The following SHISA9 variants were observed in gnomAD, a reference collection of about 807,000 sequenced individuals.
The protein encoded by SHISA9 is shisa family member 9.
A neutral mutation model predicts 38.0 loss-of-function variants in SHISA9; 13 were observed. The ratio of observed to expected loss-of-function variants is 0.34; its 90% CI spans 0.22 to 0.54. SHISA9 has a LOEUF of 0.54. Ranked by LOEUF, SHISA9 falls within the 20% of genes least tolerant of loss-of-function variation. SHISA9 has a pLI of 0.91. For missense variants in SHISA9, 538 were observed against 575.8 expected, an observed-to-expected ratio of 0.93 and a Z score of 0.67; for synonymous variants, 275 against 242.0, an observed-to-expected ratio of 1.14 and a Z score of -1.27.
chr16:13,194,731 G>C (rs558073853), intron 2 of SHISA9, among the ~76,000 whole-genome samples: 1 of 152,244 alleles, frequency 6.6e-6, no homozygotes, highest in South Asian at 2.1e-4. Flanking sequence ...GACAAGAAGA[G>C]AAAAACACAT....
intron 2 of SHISA9, among the ~76,000 whole-genome samples, chr16:12,950,069 T>A (rs1260889387): frequency 6.6e-6 from 1 of 152,196 alleles, no homozygotes; most frequent in Non-Finnish European, 1.5e-5. Context: ...ATTCTCTAGC[T>A]CCTTGAGATA....
rs545279874 is a variant in SHISA9 at position 13,099,115 on chromosome 16, T to G, written c.692-104279T>G. On this transcript the variant is annotated intron_variant, in intron 2 of 4. Transcript: ENST00000558583. Reference sequence around the variant, plus strand: ...CTGCTGCCTGTTTTTGCAAATAACGTTTTGCTGCAACACATCCATGTCAAT... The same window carrying G: ...CTGCTGCCTGTTTTTGCAAATAACGGTTTGCTGCAACACATCCATGTCAAT... 2.3e-4 allele frequency among the ~76,000 whole-genome samples: 35 copies of G among 152,368 alleles called. 1 individual carries two copies. In the South Asian group the frequency reaches 2.7e-3, roughly 12 times the overall value.
the SHISA9 span, among the ~76,000 whole-genome samples, chr16:13,296,426 G>C: frequency 1.0e-3 from 156 of 151,430 alleles, 1 homozygote; most frequent in African/African-American, 3.5e-3. Flanking sequence ...CAGCACGCAG[G>C]GGGGAAAAAA....
the SHISA9 span, among the ~76,000 whole-genome samples, chr16:13,553,680 A>T: frequency 7.5e-6 from 1 of 133,680 alleles, no homozygotes; most frequent in Non-Finnish European, 1.6e-5. Context: ...TTTAAAAAAA[A>T]AGAAAAAAAA....
chr16:13,398,613 C>G, the SHISA9 span, among the ~76,000 whole-genome samples: 4 of 151,590 alleles, frequency 2.6e-5, no homozygotes, highest in African/African-American at 9.7e-5. Context: ...CCGGTTCGAG[C>G]GATTCTCCTG....
intron 4 of SHISA9, among the ~76,000 whole-genome samples, chr16:13,228,441 A>T (rs192841364): frequency 6.6e-6 from 1 of 152,184 alleles, no homozygotes; most frequent in Non-Finnish European, 1.5e-5. Context: ...AGCTGCTGGG[A>T]TGCTTAACTC....
chr16:13,043,953 A>T (rs1333312793), intron 2 of SHISA9, among the ~76,000 whole-genome samples: 1 of 152,136 alleles, frequency 6.6e-6, no homozygotes, highest in Admixed American at 6.5e-5. Context: ...ATATTGCTTC[A>T]TCCTAGGCTG....
chr16:12,934,789 C>G (rs910931176), intron 2 of SHISA9, among the ~76,000 whole-genome samples: 1 of 152,196 alleles, frequency 6.6e-6, no homozygotes, highest in South Asian at 2.1e-4. Context: ...TCTCTCTCAT[C>G]CTTCAAGGCT....
intron 2 of SHISA9, among the ~76,000 whole-genome samples, chr16:13,036,973 G>C (rs1247660110): frequency 1.3e-5 from 2 of 151,930 alleles, no homozygotes; most frequent in African/African-American, 2.4e-5. Flanking sequence ...GTAAATTAAA[G>C]ACTATTATTA....
chr16:13,226,208 T>A (rs1011085157), intron 4 of SHISA9, among the ~76,000 whole-genome samples: 5 of 152,218 alleles, frequency 3.3e-5, no homozygotes, highest in Admixed American at 1.3e-4. Context: ...AGAAACATTA[T>A]GAAAACAGGT....
At chr16:13,221,429 A>G (rs1292519762) in intron 4 of SHISA9, among the ~76,000 whole-genome samples, 1 of 138,484 alleles carries the variant, frequency 7.2e-6, no homozygotes, top group Non-Finnish European at 1.5e-5. Flanking sequence ...GAAGAGAGAA[A>G]TACCTGGACT....
chr16:13,390,224 C>G, the SHISA9 span, among the ~76,000 whole-genome samples: 1 of 151,794 alleles, frequency 6.6e-6, no homozygotes, highest in Non-Finnish European at 1.5e-5. Flanking sequence ...CATGCATTTT[C>G]TAAAACCAGT....
chr16:13,442,370 G>A, the SHISA9 span, among the ~76,000 whole-genome samples: 6 of 151,842 alleles, frequency 4.0e-5, no homozygotes, highest in East Asian at 1.9e-4. Context: ...GTGCAGTGGC[G>A]CGATCTTGTC....
At chr16:13,442,875 C>T in the SHISA9 span, among the ~76,000 whole-genome samples, 1 of 152,152 alleles carries the variant, frequency 6.6e-6, no homozygotes, top group Admixed American at 6.5e-5. Flanking sequence ...TTTGCAACTT[C>T]CAGTGAGTCC....
At chr16:13,039,199 G>A (rs141305896) in intron 2 of SHISA9, among the ~76,000 whole-genome samples, 4,757 of 152,226 alleles carry the variant, frequency 0.031, 266 homozygotes, top group African/African-American at 0.11. Context: ...ATAAGCCACC[G>A]CGCCTGGCCA....
intron 2 of SHISA9, among the ~76,000 whole-genome samples, chr16:13,139,394 T>TTTCC (rs71147783): frequency 0.13 from 12,747 of 94,894 alleles, 1,142 homozygotes; most frequent in Middle Eastern, 0.2. Flanking sequence ...CCCTTCCTTC[T>TTTCC]TTCCTTCCTT....
the SHISA9 span, among the ~76,000 whole-genome samples, chr16:13,307,680 T>C: frequency 1.3e-3 from 195 of 152,354 alleles, no homozygotes; most frequent in African/African-American, 4.0e-3. Context: ...TTATTCAATG[T>C]AGATATGATT....
chr16:13,265,908 G>C, the SHISA9 span, among the ~76,000 whole-genome samples: 1 of 152,056 alleles, frequency 6.6e-6, no homozygotes, highest in Non-Finnish European at 1.5e-5. Context: ...AATTTACACT[G>C]AAATCAATTT....
At chr16:13,342,252 G>T in the SHISA9 span, among the ~76,000 whole-genome samples, 1 of 152,178 alleles carries the variant, frequency 6.6e-6, no homozygotes, top group Middle Eastern at 3.4e-3. Context: ...CACCTTAGAA[G>T]TCACTGTTAC....
Sources: gnomAD v4.1 joint callset for allele counts (sites outside exome capture counted in the v4.1 genomes callset) on GRCh38, gnomAD v4.1.1 for gene constraint, MANE v1.5 for transcripts, NCBI Gene and HGNC (gene_info 2026-07-23, HGNC 2026-07-21) for gene names.